The following OTOGL variants were observed in gnomAD, a reference collection of about 807,000 sequenced individuals.
OTOGL encodes the protein otogelin like.
A neutral mutation model predicts 318.5 loss-of-function variants in OTOGL; 285 were observed. That is an observed-to-expected ratio of 0.89 (90% confidence interval 0.81 to 0.99). The LOEUF is 0.99. Among genes scored for constraint, OTOGL ranks in the 50% least tolerant of loss-of-function variants. The pLI, the probability that OTOGL is intolerant of heterozygous loss-of-function variation, is 0.00. For missense variants in OTOGL, 2,899 were observed against 2,845.6 expected (o/e 1.02, Z -0.43); for synonymous variants, 987 against 936.5 (o/e 1.05, Z -0.99).
At chr12:80,314,655 G>A (rs11114397) in intron 32 of OTOGL, among the ~76,000 whole-genome samples, 24,786 of 152,000 alleles carry the variant, frequency 0.16, 2,277 homozygotes, top group Middle Eastern at 0.21. Context: ...TATAACAAAT[G>A]CATACCTTTA....
intron 32 of OTOGL, among the ~76,000 whole-genome samples, chr12:80,317,923 C>G (rs1887074734): frequency 6.6e-6 from 1 of 152,094 alleles, no homozygotes; most frequent in African/African-American, 2.4e-5. Flanking sequence ...ACCAAAGTCC[C>G]TAGTGAAGCT....
intron 1 of OTOGL, among the ~76,000 whole-genome samples, chr12:80,198,605 T>C (rs1160517602): frequency 6.6e-6 from 1 of 151,974 alleles, no homozygotes; most frequent in Non-Finnish European, 1.5e-5. Flanking sequence ...ATAATAATAA[T>C]AACAACCTGT....
At chr12:80,262,184 T>A (rs1882597318) in intron 19 of OTOGL, 91 bp downstream of exon 19, 2 of 1,247,174 alleles carry the variant, frequency 1.6e-6, no homozygotes, top group Admixed American at 2.8e-5. Context: ...ATAGTTTAAA[T>A]TCTAATTTTC....
At chr12:80,120,144 C>T (rs1870402544) in intron 1 of OTOGL, among the ~76,000 whole-genome samples, 1 of 151,930 alleles carries the variant, frequency 6.6e-6, no homozygotes, top group African/African-American at 2.4e-5. Context: ...TATTTCACCA[C>T]AACATTTGGC....
chr12:80,135,789 T>A (rs901134836), intron 1 of OTOGL, among the ~76,000 whole-genome samples: 4 of 152,220 alleles, frequency 2.6e-5, no homozygotes, highest in African/African-American at 9.6e-5. Context: ...TAAACTTAAG[T>A]AAAGCAGATT....
intron 1 of OTOGL, among the ~76,000 whole-genome samples, chr12:80,119,124 A>T (rs1430600180): frequency 6.6e-6 from 1 of 152,196 alleles, no homozygotes; most frequent in Non-Finnish European, 1.5e-5. Context: ...CAAGGGGCTG[A>T]CCTTTTGACC....
intron 12 of OTOGL, 100 bp downstream of exon 12, chr12:80,251,899 AGGATTTGTTATTG>A: frequency 8.2e-7 from 1 of 1,220,906 alleles, no homozygotes; most frequent in Non-Finnish European, 1.1e-6. Context: ...ATGAATTGCA[AGGATTTGTTATTG>A]AGATATCCAT....
chr12:80,266,350 A>G, intron 20 of OTOGL, 101 bp from the exon 21 acceptor site: 1 of 1,253,394 alleles, frequency 8.0e-7, no homozygotes, highest in South Asian at 1.6e-5. Context: ...CTTGCCTTGT[A>G]ACAGGCCAGC....
In OTOGL at chr12:80,305,667, T is replaced by C. The variant is rs759388723; in HGVS notation, c.3305T>C (p.Val1102Ala). 6.4e-7 allele frequency: 1 copy of C among 1,573,178 alleles called. No individual in the cohort carries two copies. Among genetic ancestry groups the C allele is most frequent in the South Asian group, 1.2e-5 (1 of 84,698 alleles). ...AACTTGGAAGTGAGAAATGCTCGGGTATTTGGAGATAGTTGGGCATTAGGA... is the reference window on the plus strand; with the variant it reads ...AACTTGGAAGTGAGAAATGCTCGGGCATTTGGAGATAGTTGGGCATTAGGA... The part of the protein sequence containing the change: ...SNNLEVRNAR[V>A]FGDSWALGQC... Residue 1102 changes from valine to alanine, a missense_variant, in exon 29 of 59, where the codon GTA becomes GCA. Transcript: ENST00000547103.
intron 1 of OTOGL, among the ~76,000 whole-genome samples, chr12:80,141,693 CAAAT>C (rs927405073): frequency 1.3e-5 from 2 of 152,072 alleles, no homozygotes; most frequent in Non-Finnish European, 2.9e-5. Flanking sequence ...CTCTGAGACT[CAAAT>C]AAAGAATCAG....
chr12:80,333,220 C>A, intron 38 of OTOGL, 142 bp downstream of exon 38: 1 of 677,212 alleles, frequency 1.5e-6, no homozygotes, highest in Non-Finnish European at 2.4e-6. Context: ...AAGAAATATG[C>A]ATTTCATTGG....
rs144681249 is a variant in OTOGL, at chr12:80,306,541, T to C, written c.3333+846T>C. Among the ~76,000 whole-genome samples, 496 of 152,212 alleles carry C rather than the reference T, an allele frequency of 3.3e-3. 4 individuals carry two copies. Among genetic ancestry groups the C allele is most frequent in the African/African-American group, 0.011 (474 of 41,562 alleles). On this transcript the variant is annotated intron_variant, in intron 29 of 58. Coordinates refer to ENST00000547103, the MANE Select transcript of OTOGL (RefSeq NM_001378609.3). ...GTTTACTAATATGTCTAAATCTCTTTAAAGAATAAAGAAGGGATGGGGTAA... is the reference window on the plus strand; with the variant it reads ...GTTTACTAATATGTCTAAATCTCTTCAAAGAATAAAGAAGGGATGGGGTAA...
rs193163646 is a variant in OTOGL, at chr12:80,176,980, T to C, written c.-19-32433T>C. On this transcript the variant is annotated intron_variant, in intron 1 of 58. Transcript: ENST00000547103. ...GATGTTAAGCATCTGTTCATGTGCTTGTCATCCATTTATCTTCTTTTGTTT... is the reference window on the plus strand; with the variant it reads ...GATGTTAAGCATCTGTTCATGTGCTCGTCATCCATTTATCTTCTTTTGTTT... Among the ~76,000 whole-genome samples, 22 of 152,288 alleles carry C rather than the reference T, an allele frequency of 1.4e-4. No homozygotes were observed. In the East Asian group the frequency reaches 4.0e-3, roughly 28 times the overall value.
chr12:80,307,480 C>A (rs1886229664), intron 29 of OTOGL, among the ~76,000 whole-genome samples: 1 of 149,290 alleles, frequency 6.7e-6, no homozygotes, highest in Non-Finnish European at 1.5e-5. Flanking sequence ...GCTGGCCGGG[C>A]AGAGGGGCTC....
Position 80,318,685 on chromosome 12 carries a change from TC to T in OTOGL, c.3776del (p.Pro1259GlnfsTer11). The T allele has an allele frequency of 7.5e-7, 1 of 1,341,716 alleles. No homozygotes were observed. The highest frequency in any genetic ancestry group is 9.6e-7 in the Non-Finnish European group (1 of 1,036,890). The allele number at this position is 1,341,716 out of a possible 1,614,324, so 83.1% of individuals were successfully genotyped here. ...TSLFFYFMIT[P>X]GLFKEKVSSL... is the part of the protein sequence containing the mutation. The stretch of plus-strand genomic sequence containing the variant: ...GTTTATTTTTTTATTTTATGATCAC[TC>T]CAGGCCTTTTCAAAGAGAAGGTATC... On this transcript the variant is annotated frameshift_variant, in exon 33 of 59. Coordinates refer to ENST00000547103, the MANE Select transcript of OTOGL (RefSeq NM_001378609.3). LOFTEE classifies it high-confidence loss of function.
intron 43 of OTOGL, 63 bp downstream of exon 43, chr12:80,339,327 T>G: frequency 7.9e-7 from 1 of 1,269,228 alleles, no homozygotes; most frequent in Non-Finnish European, 1.1e-6. Flanking sequence ...TTTTTTTCTA[T>G]TCACGCTATG....
chr12:80,345,093 AT>A (rs1889088714), intron 44 of OTOGL, among the ~76,000 whole-genome samples: 1 of 48,950 alleles, frequency 2.0e-5, no homozygotes, highest in African/African-American at 8.5e-5. Flanking sequence ...TATATGTTAT[AT>A]TTTATATATT....
intron 1 of OTOGL, among the ~76,000 whole-genome samples, chr12:80,149,289 G>T (rs1309766127): frequency 2.0e-5 from 3 of 151,724 alleles, no homozygotes; most frequent in Admixed American, 1.3e-4. Flanking sequence ...ACCCTCAGCT[G>T]CAGGTCTGTT....
At chr12:80,336,730 A>G (rs966977823) in intron 40 of OTOGL, 67 bp from the exon 41 acceptor site, 274 of 1,441,092 alleles carry the variant, frequency 1.9e-4, no homozygotes, top group Non-Finnish European at 2.3e-4. Context: ...TTAGAGGCAT[A>G]TAAATCCGAA....
Sources: gnomAD v4.1 joint callset for allele counts (sites outside exome capture counted in the v4.1 genomes callset) on GRCh38, gnomAD v4.1.1 for gene constraint, MANE v1.5 for transcripts, NCBI Gene and HGNC (gene_info 2026-07-23, HGNC 2026-07-21) for gene names.